The following STARD13 variants were observed in gnomAD, a reference collection of about 807,000 sequenced individuals.
STARD13 encodes the protein StAR related lipid transfer domain containing 13.
STARD13 carries 62 observed loss-of-function variants against 106.4 expected under a neutral mutation model. The ratio of observed to expected loss-of-function variants is 0.58; its 90% confidence interval spans 0.48 to 0.72. STARD13 has a LOEUF of 0.72. Among genes scored for constraint, STARD13 ranks in the 30% least tolerant of loss-of-function variants. The pLI is 0.00. For synonymous variants in STARD13, 565 were observed against 553.0 expected (o/e 1.02, Z -0.31); for missense variants, 1,387 against 1,424.0 (o/e 0.97, Z 0.42).
At chr13:33,307,291 C>T (rs1202078443) in intron 1 of STARD13, among the ~76,000 whole-genome samples, 2 of 152,196 alleles carry the variant, frequency 1.3e-5, no homozygotes, top group African/African-American at 4.8e-5. Flanking sequence ...TTTGACCGAG[C>T]AATCCCATTA....
chr13:33,146,535 C>T (rs1228003271), intron 3 of STARD13, among the ~76,000 whole-genome samples: 2 of 152,082 alleles, frequency 1.3e-5, no homozygotes, highest in East Asian at 1.9e-4. Flanking sequence ...CATAGCTGTA[C>T]ATTTCACAAA....
At chr13:33,360,537 C>T in the STARD13 span, among the ~76,000 whole-genome samples, 14 of 150,620 alleles carry the variant, frequency 9.3e-5, no homozygotes, top group African/African-American at 2.2e-4. Flanking sequence ...AAGTGTCTTC[C>T]TGTTAGTGCC....
chr13:33,625,547 C>T, the STARD13 span, among the ~76,000 whole-genome samples: 6 of 151,124 alleles, frequency 4.0e-5, no homozygotes, highest in African/African-American at 1.2e-4. Flanking sequence ...TCCAGCCTGG[C>T]GACAGAGCGA....
At chr13:33,438,596 C>T in the STARD13 span, among the ~76,000 whole-genome samples, 1 of 152,146 alleles carries the variant, frequency 6.6e-6, no homozygotes, top group Non-Finnish European at 1.5e-5. Flanking sequence ...AGTGGGAGAG[C>T]TGATAGGTTC....
Position 33,105,240 on chromosome 13 carries a change from A to C in STARD13, c.*353T>G, listed in dbSNP as rs1199547627. On this transcript the variant is annotated 3_prime_UTR_variant, in exon 14 of 14. Coordinates refer to ENST00000336934, the MANE Select transcript of STARD13 (RefSeq NM_178006.4). Reference sequence around the variant, plus strand: ...ACAGTAAAGATGGAGATATACACACATATGTACATATGCTATACATACATT... The same window carrying C: ...ACAGTAAAGATGGAGATATACACACCTATGTACATATGCTATACATACATT... The C allele has an allele frequency of 5.1e-6, 1 of 197,748 alleles. No individual in the cohort carries two copies. Among genetic ancestry groups the C allele is most frequent in the African/African-American group, 2.3e-5 (1 of 43,644 alleles). 12.2% of individuals were successfully genotyped at this position (197,748 alleles called of 1,614,324 possible).
intron 4 of STARD13, among the ~76,000 whole-genome samples, chr13:33,135,786 T>C (rs1368412819): frequency 6.6e-6 from 1 of 152,184 alleles, no homozygotes; most frequent in African/African-American, 2.4e-5. Context: ...TTGTTATCAA[T>C]CCCACTTAAC....
chr13:33,138,707 G>A (rs765602740), intron 4 of STARD13: 5 of 327,606 alleles, frequency 1.5e-5, no homozygotes, highest in Non-Finnish European at 3.0e-5. Flanking sequence ...CGAGCTGCAG[G>A]CGGCAGAAGT....
chr13:33,110,843 G>A lies in STARD13; in HGVS notation c.2672C>T (p.Thr891Ile). The change falls in exon 11 of 14, where the codon ACC (threonine) becomes ATC (isoleucine). Residue 891 changes from threonine to isoleucine, a missense_variant. Thr to Ile is a moderately conservative substitution (Grantham distance 89, BLOSUM62 -1). Coordinates refer to ENST00000336934, the MANE Select transcript of STARD13 (RefSeq NM_178006.4). Reference sequence around the variant, plus strand: ...CAGCTGTGTCCCCAATTCTTCCAGGGTTGGCACGTGGATCTCAGCCTCCAC... The same window carrying A: ...CAGCTGTGTCCCCAATTCTTCCAGGATTGGCACGTGGATCTCAGCCTCCAC... ...SYVEAEIHVP[T>I]LEELGTQLEE... The A allele has an allele frequency of 2.5e-6, 4 of 1,614,046 alleles. No individual in the cohort carries two copies. The highest frequency in any genetic ancestry group is 3.4e-6 in the Non-Finnish European group (4 of 1,180,028).
At chr13:33,123,055 C>CA (rs71071079) in intron 7 of STARD13, among the ~76,000 whole-genome samples, 15,539 of 45,328 alleles carry the variant, frequency 0.34, 3,763 homozygotes, top group East Asian at 0.52. Context: ...GACTCCATCT[C>CA]AAAAAAAAAA....
chr13:33,325,503 G>T (rs1352282029), intron 1 of STARD13, among the ~76,000 whole-genome samples: 30 of 152,084 alleles, frequency 2.0e-4, no homozygotes, highest in Admixed American at 2.0e-3. Flanking sequence ...TTTATCTGAG[G>T]TACTTTAAAG....
the STARD13 span, among the ~76,000 whole-genome samples, chr13:33,540,009 G>A: frequency 6.6e-6 from 1 of 152,180 alleles, no homozygotes; most frequent in Non-Finnish European, 1.5e-5. Context: ...CAAAAGTTTT[G>A]AACATATACC....
intron 1 of STARD13, among the ~76,000 whole-genome samples, chr13:33,221,143 T>C (rs1367717642): frequency 6.6e-6 from 1 of 152,238 alleles, no homozygotes; most frequent in Non-Finnish European, 1.5e-5. Context: ...TTTTAAAGTG[T>C]ACATTTCAGT....
intron 1 of STARD13, chr13:33,206,113 T>TATAGGAAATCCAG: frequency 8.7e-6 from 5 of 572,240 alleles, no homozygotes; most frequent in Non-Finnish European, 1.1e-5. Flanking sequence ...CAGCTGGATT[T>TATAGGAAATCCAG]CCTATAAATC....
intron 1 of STARD13, among the ~76,000 whole-genome samples, chr13:33,225,416 T>C (rs902367270): frequency 2.0e-4 from 31 of 152,240 alleles, no homozygotes; most frequent in Non-Finnish European, 4.1e-4. Flanking sequence ...TCCTTCTAAC[T>C]TTTATTTTTT....
chr13:33,111,938 CT>C, intron 9 of STARD13, 46 bp from the exon 10 acceptor site: 1 of 1,233,316 alleles, frequency 8.1e-7, no homozygotes, highest in Non-Finnish European at 1.2e-6. Flanking sequence ...CACCAACGAG[CT>C]TGTCACAATA....
At chr13:33,653,039 T>A in the STARD13 span, among the ~76,000 whole-genome samples, 2 of 152,196 alleles carry the variant, frequency 1.3e-5, no homozygotes, top group East Asian at 1.9e-4. Flanking sequence ...TGCAAGTTAA[T>A]GGAGAGATAT....
rs76520660 is a variant in STARD13, at chr13:33,183,530, C to T, written c.170-15908G>A. Among the ~76,000 whole-genome samples the T allele has an allele frequency of 1.2e-3, 182 of 152,322 alleles. 1 individual carries two copies. The highest frequency in any genetic ancestry group is 4.1e-3 in the African/African-American group (172 of 41,568). On this transcript the variant is annotated intron_variant, in intron 1 of 13. Coordinates refer to ENST00000336934, the MANE Select transcript of STARD13 (RefSeq NM_178006.4). ...GCCAGGCTTTCATAGCTTTCTGTTC[C>T]ACTCTGTTTGAGAAGTCTGATGCTA...
intron 1 of STARD13, among the ~76,000 whole-genome samples, chr13:33,193,478 G>C (rs1886396199): frequency 6.6e-6 from 1 of 152,160 alleles, no homozygotes; most frequent in Non-Finnish European, 1.5e-5. Context: ...ACAACTCGAG[G>C]CTCTTTACTG....
At chr13:33,267,719 C>G (rs1388945936) in intron 1 of STARD13, among the ~76,000 whole-genome samples, 2 of 152,132 alleles carry the variant, frequency 1.3e-5, no homozygotes, top group African/African-American at 4.8e-5. Flanking sequence ...ATGCAAGATC[C>G]AATGTTTTGA....
Sources: allele counts gnomAD v4.1 joint callset (sites outside exome capture counted in the v4.1 genomes callset), GRCh38; gene constraint gnomAD v4.1.1; transcripts MANE v1.5; gene names NCBI Gene and HGNC (gene_info 2026-07-23, HGNC 2026-07-21).